The following EML6 variants were observed in gnomAD, a reference collection of about 807,000 sequenced individuals.
EML6 encodes echinoderm microtubule-associated protein-like 6.
Under a neutral mutation model 240.1 loss-of-function variants are expected in EML6, and 154 were observed. The observed-to-expected ratio is 0.64, with a 90% CI of 0.56 to 0.73. EML6 has a LOEUF of 0.73. Ranked by LOEUF, EML6 falls within the 30% of genes least tolerant of loss-of-function variation. The pLI, the probability that EML6 is intolerant of heterozygous loss-of-function variation, is 0.00. For missense variants in EML6, 2,964 were observed against 2,474.6 expected (o/e 1.20, Z -4.20); for synonymous variants, 1,148 against 899.0 (o/e 1.28, Z -4.95).
chr2:54,885,841 G>T (rs536925604), intron 17 of EML6, among the ~76,000 whole-genome samples: 23 of 152,172 alleles, frequency 1.5e-4, no homozygotes, highest in African/African-American at 5.3e-4. Flanking sequence ...TCGATCTCCT[G>T]ACCTCGTGAT....
In EML6 at chr2:54,879,528, T is replaced by C; in HGVS notation, c.2345-19T>C. On this transcript the variant is annotated intron_variant, in intron 16 of 41. Coordinates refer to ENST00000356458, the MANE Select transcript of EML6 (RefSeq NM_001039753.4). ...TTTTTCATGGAAGAAATTTTGACAT[T>C]TGTGTTGTTTTCATACAGCCGATGG... 3 of 1,513,576 alleles carry C rather than the reference T, an allele frequency of 2.0e-6. No individual in the cohort carries two copies. The highest frequency in any genetic ancestry group is 2.7e-6 in the Non-Finnish European group (3 of 1,113,598). 93.8% of individuals were successfully genotyped at this position (1,513,576 alleles called of 1,614,324 possible). A position where few individuals can be genotyped will look rare whatever the true frequency, so the allele number is the denominator to read the frequency against.
chr2:54,919,222 T>C, intron 26 of EML6, among the ~76,000 whole-genome samples: 1 of 150,276 alleles, frequency 6.7e-6, no homozygotes, highest in Admixed American at 6.7e-5. Flanking sequence ...GAAGTGTTCC[T>C]AACTTTCCTC....
rs757244142 is a variant in EML6 at position 54,851,354 on chromosome 2, A to G, written c.1444+1136A>G. On this transcript the variant is annotated intron_variant, in intron 10 of 41. Coordinates refer to ENST00000356458, the MANE Select transcript of EML6 (RefSeq NM_001039753.4). ...CTTGAACCCAGGAGGTGGAGGTTGC[A>G]GCGAGCTGAGATCGCACCACTGCAC... Among the ~76,000 whole-genome samples the G allele has an allele frequency of 1.4e-4, 21 of 152,326 alleles. No homozygotes were observed. In the Middle Eastern group the frequency reaches 0.02, roughly 148 times the overall value.
chr2:54,884,986 C>T (rs986419196), intron 17 of EML6, among the ~76,000 whole-genome samples: 2 of 151,968 alleles, frequency 1.3e-5, no homozygotes, highest in African/African-American at 4.8e-5. Flanking sequence ...TCAGCCCGGC[C>T]CCCGTCTCTA....
chr2:54,796,177 A>G (rs1669759096), intron 2 of EML6, among the ~76,000 whole-genome samples: 1 of 152,240 alleles, frequency 6.6e-6, no homozygotes, highest in African/African-American at 2.4e-5. Flanking sequence ...TATCATATCT[A>G]TCTATGACAT....
At chr2:54,802,519 C>T (rs181876333) in intron 2 of EML6, among the ~76,000 whole-genome samples, 11 of 151,862 alleles carry the variant, frequency 7.2e-5, no homozygotes, top group East Asian at 1.9e-4. Context: ...CCCAGCTACT[C>T]GAGAGGCTGA....
chr2:54,738,679 C>G (rs377348042), intron 2 of EML6, among the ~76,000 whole-genome samples: 30 of 152,188 alleles, frequency 2.0e-4, no homozygotes, highest in African/African-American at 6.8e-4. Context: ...TCTTTTATGT[C>G]TAGCTCCTTT....
intron 2 of EML6, among the ~76,000 whole-genome samples, chr2:54,736,119 G>A (rs1424381382): frequency 6.6e-6 from 1 of 152,196 alleles, no homozygotes; most frequent in Non-Finnish European, 1.5e-5. Context: ...GGAGGGTACG[G>A]TGGGAGATGA....
intron 12 of EML6, among the ~76,000 whole-genome samples, chr2:54,863,516 A>C (rs2103858863): frequency 6.6e-6 from 1 of 152,244 alleles, no homozygotes; most frequent in African/African-American, 2.4e-5. Flanking sequence ...CCCTGTCTCA[A>C]AAAAAGTATA....
chr2:54,826,183 T>G (rs1047324248), intron 5 of EML6, among the ~76,000 whole-genome samples: 5 of 152,222 alleles, frequency 3.3e-5, no homozygotes, highest in East Asian at 1.9e-4. Flanking sequence ...TACTTCTGTT[T>G]GCTTTCCCTC....
rs189242165 is a variant in EML6, at chr2:54,923,715, C to T, written c.3676-4598C>T. Among the ~76,000 whole-genome samples, 878 of 152,168 alleles carry T rather than the reference C, an allele frequency of 5.8e-3. 6 individuals are homozygous for T. The highest frequency in any genetic ancestry group is 7.3e-3 in the Non-Finnish European group (499 of 68,012). ...TAAGCTTTGACAAAAAGCTCATGTA[C>T]CTATATAAACATCTCTTATGAAGAT... On this transcript the variant is annotated intron_variant, in intron 26 of 41. Transcript: ENST00000356458.
chr2:54,749,531 C>G (rs903673079), intron 2 of EML6, among the ~76,000 whole-genome samples: 2 of 151,886 alleles, frequency 1.3e-5, no homozygotes, highest in African/African-American at 2.4e-5. Context: ...TAATGTGTAC[C>G]TTATTGATTA....
rs1422700277 is a variant in EML6, at chr2:54,879,530, G to A, written c.2345-17G>A. The A allele has an allele frequency of 1.3e-6, 2 of 1,521,380 alleles. No individual in the cohort carries two copies. The highest frequency in any genetic ancestry group is 1.2e-5 in the South Asian group (1 of 82,824). The allele number at this position is 1,521,380 out of a possible 1,614,324, so 94.2% of individuals were successfully genotyped here. On this transcript the variant is annotated splice_polypyrimidine_tract_variant and intron_variant, in intron 16 of 41. Transcript: ENST00000356458. ...TTTCATGGAAGAAATTTTGACATTT[G>A]TGTTGTTTTCATACAGCCGATGGAA...
At chr2:54,856,399 C>T (rs1558618552) in intron 11 of EML6, among the ~76,000 whole-genome samples, 1 of 152,176 alleles carries the variant, frequency 6.6e-6, no homozygotes, top group African/African-American at 2.4e-5. Flanking sequence ...CCGTTCCATT[C>T]CTCCTTTGCA....
At chr2:54,916,237 C>T (rs1673902779) in intron 25 of EML6, among the ~76,000 whole-genome samples, 1 of 152,208 alleles carries the variant, frequency 6.6e-6, no homozygotes, top group East Asian at 1.9e-4. Context: ...ATGATCATCT[C>T]CATTGATCAG....
At chr2:54,841,477 G>A (rs543060653) in intron 7 of EML6, among the ~76,000 whole-genome samples, 15 of 151,890 alleles carry the variant, frequency 9.9e-5, no homozygotes, top group East Asian at 1.9e-4. Context: ...GGATCCTCTC[G>A]GGACCACAGT....
intron 21 of EML6, among the ~76,000 whole-genome samples, chr2:54,898,156 T>C (rs1451743569): frequency 6.6e-6 from 1 of 152,114 alleles, no homozygotes; most frequent in East Asian, 1.9e-4. Context: ...ATCAGCTTTG[T>C]GGGTGATCAG....
At chr2:54,940,449 C>A in intron 28 of EML6, among the ~76,000 whole-genome samples, 1 of 152,012 alleles carries the variant, frequency 6.6e-6, no homozygotes, top group African/African-American at 2.4e-5. Context: ...TAGTCTGTGG[C>A]GTCAATATAA....
chr2:54,817,213 A>G (rs1668118878), intron 4 of EML6, among the ~76,000 whole-genome samples: 1 of 152,240 alleles, frequency 6.6e-6, no homozygotes. Flanking sequence ...AATAGTTGTT[A>G]GAAAATAGTC....
Sources: gnomAD v4.1 joint callset for allele counts (sites outside exome capture counted in the v4.1 genomes callset) on GRCh38, gnomAD v4.1.1 for gene constraint, MANE v1.5 for transcripts, NCBI Gene and HGNC (gene_info 2026-07-23, HGNC 2026-07-21) for gene names.